ADGRL3: variants seen among roughly 807,000 people sequenced by gnomAD.
The protein encoded by ADGRL3 is adhesion G protein-coupled receptor L3.
A neutral mutation model predicts 153.5 loss-of-function variants in ADGRL3; 62 were observed. The observed-to-expected ratio is 0.40, with a 90% CI of 0.33 to 0.50. ADGRL3 has a LOEUF of 0.50. Ranked by LOEUF, ADGRL3 falls within the 20% of genes least tolerant of loss-of-function variation. The pLI is 0.47. For missense variants in ADGRL3, 1,641 were observed against 1,859.4 expected (o/e 0.88, Z 2.16); for synonymous variants, 710 against 672.5 (o/e 1.06, Z -0.86).
intron 2 of ADGRL3, among the ~76,000 whole-genome samples, chr4:61,492,366 T>A (rs2098268192): frequency 6.6e-6 from 1 of 152,124 alleles, no homozygotes; most frequent in Non-Finnish European, 1.5e-5. Flanking sequence ...GATATTATGA[T>A]GGAAAAGGTA....
At chr4:61,281,188 GT>G (rs35904600) in intron 1 of ADGRL3, among the ~76,000 whole-genome samples, 64,431 of 151,340 alleles carry the variant, frequency 0.43, 13,796 homozygotes, top group South Asian at 0.54. Context: ...AAAGGTAATA[GT>G]TTTTTTTTAA....
In ADGRL3 at chr4:62,070,347, G is replaced by T; in HGVS notation, c.4071G>T (p.Arg1357Ser). The T allele has an allele frequency of 1.9e-6, 3 of 1,552,322 alleles. No homozygotes were observed. The highest frequency in any genetic ancestry group is 2.4e-5 in the South Asian group (2 of 84,136). The change falls in exon 27 of 27, where the codon AGG becomes AGT. Residue 1357 changes from arginine to serine, a missense_variant. Coordinates refer to ENST00000683033, the MANE Select transcript of ADGRL3 (RefSeq NM_001387552.1). ...NNHERSSEQN[R>S]NLMNKLVNNL... ...ATGAGCGCTCCAGTGAACAGAACAG[G>T]AATCTGATGAACAAGCTGGTGAATA...
Position 61,352,477 on chromosome 4 carries a change from C to CT in ADGRL3, c.-239-30646dup, listed in dbSNP as rs941575183. 5.3e-4 allele frequency among the ~76,000 whole-genome samples: 81 copies of CT among 151,900 alleles called. 2 individuals carry two copies. The highest frequency in any genetic ancestry group is 1.8e-4 in the Non-Finnish European group (12 of 67,970). On this transcript the variant is annotated intron_variant, in intron 1 of 26. Transcript: ENST00000683033. ...GATCTCAGCTCACTGCAACGTCCAT[C>CT]TCCCAGGTTCAATTATCCTGCCTCA...
intron 13 of ADGRL3, among the ~76,000 whole-genome samples, chr4:61,930,986 T>TGAATCTAC (rs1256435744): frequency 1.3e-5 from 2 of 152,120 alleles, no homozygotes; most frequent in African/African-American, 4.8e-5. Context: ...AATCCAAATA[T>TGAATCTAC]AGGTATTCAT....
chr4:61,387,988 C>G (rs1303819694), intron 2 of ADGRL3, among the ~76,000 whole-genome samples: 1 of 152,094 alleles, frequency 6.6e-6, no homozygotes, highest in Non-Finnish European at 1.5e-5. Flanking sequence ...TCCATAAAAT[C>G]TTCACAATCC....
chr4:61,377,534 G>A (rs2096618282), intron 1 of ADGRL3, among the ~76,000 whole-genome samples: 1 of 151,932 alleles, frequency 6.6e-6, no homozygotes, highest in South Asian at 2.1e-4. Context: ...AAGCTTAAGA[G>A]TAATTTCATC....
chr4:61,358,563 C>G lies in ADGRL3; in HGVS notation c.-239-24561C>G, dbSNP rs570130425. ...AGTGAGTGGAGATCGTGCCACTGCA[C>G]TCCAGCCTGGGCGACAGAGCGAGAC... On this transcript the variant is annotated intron_variant, in intron 1 of 26. Transcript: ENST00000683033. Among the ~76,000 whole-genome samples the G allele has an allele frequency of 6.4e-5, 9 of 139,706 alleles. No individual in the cohort carries two copies. The South Asian group carries it at 6.7e-4, about 10-fold the overall frequency. The allele number at this position is 139,706 out of a possible 152,430, so 91.7% of individuals were successfully genotyped here.
intron 1 of ADGRL3, among the ~76,000 whole-genome samples, chr4:61,247,108 G>A (rs545978748): frequency 6.6e-6 from 1 of 152,152 alleles, no homozygotes; most frequent in Non-Finnish European, 1.5e-5. Context: ...TCTTTGCCAT[G>A]AGCATATTGG....
At chr4:62,060,235 T>C (rs1739339286) in intron 25 of ADGRL3, among the ~76,000 whole-genome samples, 1 of 151,966 alleles carries the variant, frequency 6.6e-6, no homozygotes, top group Non-Finnish European at 1.5e-5. Context: ...AATATATATG[T>C]ATTTAAGACA....
intron 11 of ADGRL3, among the ~76,000 whole-genome samples, chr4:61,900,748 C>T (rs561932852): frequency 6.6e-6 from 1 of 152,120 alleles, no homozygotes; most frequent in African/African-American, 2.4e-5. Context: ...GATAAATGAA[C>T]AGATAGATAC....
At chr4:62,005,130 A>G (rs1285640528) in intron 21 of ADGRL3, among the ~76,000 whole-genome samples, 2 of 152,176 alleles carry the variant, frequency 1.3e-5, no homozygotes, top group African/African-American at 4.8e-5. Flanking sequence ...GCATTTAGCA[A>G]TCACTTCTTT....
At chr4:61,575,589 G>T (rs1000864363) in intron 4 of ADGRL3, among the ~76,000 whole-genome samples, 2 of 151,906 alleles carry the variant, frequency 1.3e-5, no homozygotes, top group African/African-American at 4.8e-5. Flanking sequence ...ATAAACTGAT[G>T]AAACAATGTT....
intron 1 of ADGRL3, among the ~76,000 whole-genome samples, chr4:61,354,267 A>G (rs1233792317): frequency 6.6e-6 from 1 of 152,152 alleles, no homozygotes; most frequent in Non-Finnish European, 1.5e-5. Context: ...ATCCTTTGCA[A>G]TGTAGCTGTG....
intron 11 of ADGRL3, among the ~76,000 whole-genome samples, chr4:61,896,518 C>T (rs542830310): frequency 1.1e-4 from 17 of 152,118 alleles, no homozygotes; most frequent in African/African-American, 1.9e-4. Context: ...GAGATTTTCC[C>T]GAGAAATATT....
At chr4:61,540,770 G>T (rs1054795230) in intron 4 of ADGRL3, among the ~76,000 whole-genome samples, 6 of 152,024 alleles carry the variant, frequency 3.9e-5, no homozygotes, top group African/African-American at 1.2e-4. Flanking sequence ...TGCCCAGGCA[G>T]ATATATTGAA....
intron 9 of ADGRL3, among the ~76,000 whole-genome samples, chr4:61,881,865 C>T (rs1041733456): frequency 2.0e-5 from 3 of 152,030 alleles, no homozygotes; most frequent in Non-Finnish European, 4.4e-5. Context: ...TGTCAAAACT[C>T]GAGAAATAAA....
At chr4:61,836,804 C>T (rs2097942946) in intron 9 of ADGRL3, among the ~76,000 whole-genome samples, 1 of 152,020 alleles carries the variant, frequency 6.6e-6, no homozygotes, top group African/African-American at 2.4e-5. Flanking sequence ...CATGTAAAAA[C>T]TTTGACTTTA....
chr4:61,593,207 T>G (rs1404661280), intron 5 of ADGRL3, among the ~76,000 whole-genome samples: 2 of 152,204 alleles, frequency 1.3e-5, no homozygotes, highest in African/African-American at 2.4e-5. Context: ...GTGCTGTTTA[T>G]GTCTTGAAAA....
intron 6 of ADGRL3, among the ~76,000 whole-genome samples, chr4:61,712,407 G>GA (rs201120009): frequency 1.3e-3 from 188 of 148,452 alleles, no homozygotes; most frequent in African/African-American, 4.1e-3. Flanking sequence ...GCCAAAAAAA[G>GA]AAAAAAAAAG....
Sources: allele counts gnomAD v4.1 joint callset (sites outside exome capture counted in the v4.1 genomes callset), GRCh38; gene constraint gnomAD v4.1.1; transcripts MANE v1.5; gene names NCBI Gene and HGNC (gene_info 2026-07-23, HGNC 2026-07-21).